The following ACSF2 variants were observed in gnomAD, a reference collection of about 807,000 sequenced individuals.
ACSF2 encodes the protein acyl-CoA synthetase family member 2, also known as medium-chain acyl-CoA ligase ACSF2, mitochondrial.
Under a neutral mutation model 79.3 loss-of-function variants are expected in ACSF2, and 52 were observed. The observed-to-expected ratio is 0.66, with a 90% CI of 0.53 to 0.83. The LOEUF is 0.83. Among genes scored for constraint, ACSF2 ranks in the 40% least tolerant of loss-of-function variants. The pLI is 0.00. For synonymous variants in ACSF2, 283 were observed against 312.6 expected (o/e 0.91, Z 1.00); for missense variants, 661 against 803.3 (o/e 0.82, Z 2.14).
rs1292555547 is a variant in ACSF2 at position 50,449,404 on chromosome 17, T to C, written c.129-11273T>C. Among the ~76,000 whole-genome samples, 6 of 150,042 alleles carry C rather than the reference T, an allele frequency of 4.0e-5. No individual in the cohort carries two copies. The East Asian group carries it at 9.9e-4, about 25-fold the overall frequency. On this transcript the variant is annotated intron_variant, in intron 1 of 15. Coordinates refer to ENST00000300441, the MANE Select transcript of ACSF2 (RefSeq NM_025149.6). ...TTGTAATATGTATCAGTACTTCATTTCCTTTTTTTTTTTTCTTTGAGACTG... is the reference window on the plus strand; with the variant it reads ...TTGTAATATGTATCAGTACTTCATTCCCTTTTTTTTTTTTCTTTGAGACTG...
intron 10 of ACSF2, 157 bp downstream of exon 10, chr17:50,464,451 C>T (rs771153191): frequency 2.7e-6 from 2 of 751,270 alleles, no homozygotes; most frequent in Non-Finnish European, 4.7e-6. Flanking sequence ...AGTCTGACCT[C>T]ATCAGCACCT....
chr17:50,459,352 C>T (rs982478250), intron 1 of ACSF2, among the ~76,000 whole-genome samples: 2 of 152,202 alleles, frequency 1.3e-5, no homozygotes, highest in Non-Finnish European at 2.9e-5. Context: ...GTGATCCTCC[C>T]CCTTCAACCT....
At chr17:50,432,903 G>T (rs2143491798) in intron 1 of ACSF2, among the ~76,000 whole-genome samples, 1 of 152,246 alleles carries the variant, frequency 6.6e-6, no homozygotes, top group East Asian at 1.9e-4. Context: ...TGGAGTTTGA[G>T]CCTGATCCCT....
intron 10 of ACSF2, chr17:50,465,857 G>A (rs753937932): frequency 6.2e-7 from 1 of 1,613,886 alleles, no homozygotes; most frequent in Admixed American, 1.7e-5. Flanking sequence ...ACCCAGGAAG[G>A]CACCATCTGA....
intron 1 of ACSF2, among the ~76,000 whole-genome samples, chr17:50,455,480 C>G (rs1423129960): frequency 6.6e-6 from 1 of 152,122 alleles, no homozygotes; most frequent in Non-Finnish European, 1.5e-5. Flanking sequence ...AACATCATCA[C>G]CCTAGGCAAC....
intron 10 of ACSF2, among the ~76,000 whole-genome samples, chr17:50,467,172 G>T (rs908476347): frequency 1.3e-5 from 2 of 152,220 alleles, no homozygotes; most frequent in African/African-American, 4.8e-5. Flanking sequence ...GCCCCACCTG[G>T]CCAGACACTG....
Position 50,473,965 on chromosome 17 carries a change from G to C in ACSF2, c.1689G>C (p.Glu563Asp). ...GCATTCGGCTGAAGGACGGGGAGGA[G>C]ACCACGGTGGAGGAGATAAAAGCTT... ...CACIRLKDGE[E>D]TTVEEIKAFC... Residue 563 changes from glutamate to aspartate, a missense_variant, in exon 14 of 16, where the codon GAG becomes GAC. Transcript: ENST00000300441. The C allele has an allele frequency of 1.3e-6, 2 of 1,536,564 alleles. No individual in the cohort carries two copies. Among genetic ancestry groups the C allele is most frequent in the Non-Finnish European group, 8.8e-7 (1 of 1,140,872 alleles).
At chr17:50,465,839 G>A (rs372173635) in intron 10 of ACSF2, 46 of 1,613,772 alleles carry the variant, frequency 2.9e-5, no homozygotes, top group South Asian at 1.3e-4. Flanking sequence ...GTGTTTCAGC[G>A]TGGTTACACC....
intron 1 of ACSF2, among the ~76,000 whole-genome samples, chr17:50,437,322 T>A (rs1039429810): frequency 1.3e-5 from 2 of 152,214 alleles, no homozygotes; most frequent in Non-Finnish European, 2.9e-5. Flanking sequence ...CATGTGAATT[T>A]CATGGACAAG....
chr17:50,463,615 C>T lies in ACSF2; in HGVS notation c.1046+63C>T. 6.3e-7 allele frequency: 1 copy of T among 1,583,492 alleles called. No individual in the cohort carries two copies. Among genetic ancestry groups the T allele is most frequent in the Non-Finnish European group, 8.6e-7 (1 of 1,162,768 alleles). On this transcript the variant is annotated intron_variant, in intron 8 of 15. Coordinates refer to ENST00000300441, the MANE Select transcript of ACSF2 (RefSeq NM_025149.6). This position sits in a 1 kb window ranked among gnomAD's most constrained non-coding sequence, Gnocchi z 4.6. ...AACCCTCTTCTTCCTCACTCCTGGG[C>T]CCTGACACCTTTCCAAGCTGCCTCC...
chr17:50,435,243 T>C (rs1344905348), intron 1 of ACSF2, among the ~76,000 whole-genome samples: 3 of 152,254 alleles, frequency 2.0e-5, no homozygotes, highest in East Asian at 3.9e-4. Context: ...TGACAAAAAC[T>C]CACAAAAGTG....
At chr17:50,450,984 G>A (rs1432306744) in intron 1 of ACSF2, among the ~76,000 whole-genome samples, 2 of 152,282 alleles carry the variant, frequency 1.3e-5, no homozygotes, top group South Asian at 2.1e-4. Context: ...CAGGCCTGTT[G>A]TGTAGTGGTG....
chr17:50,472,315 C>A, intron 11 of ACSF2, 113 bp from the exon 12 acceptor site: 1 of 1,324,058 alleles, frequency 7.6e-7, no homozygotes, highest in East Asian at 2.7e-5. Flanking sequence ...GGGCCTCATT[C>A]CAGGCAGTTG....
In ACSF2 at chr17:50,471,049, A is replaced by G. The variant is rs1047521409; in HGVS notation, c.1237A>G (p.Asn413Asp). 6.2e-7 allele frequency: 1 copy of G among 1,613,930 alleles called. No individual in the cohort carries two copies. Among genetic ancestry groups the G allele is most frequent in the Non-Finnish European group, 8.5e-7 (1 of 1,179,992 alleles). The change falls in exon 11 of 16, where the codon AAC becomes GAC. Residue 413 changes from asparagine (N) to aspartate (D), a missense_variant. Coordinates refer to ENST00000300441, the MANE Select transcript of ACSF2 (RefSeq NM_025149.6). The surrounding 1 kb of genome is among the most constrained non-coding windows in gnomAD (Gnocchi z 4.1). ...CTAGGTTGCTTATGGAACCACAGAG[A>G]ACAGTCCCGTGACATTCGCGCACTT... ...DLVVAYGTTE[N>D]SPVTFAHFPE...
At position 50,462,269 on chromosome 17, in the gene ACSF2, A is replaced by G; in HGVS notation, c.593A>G (p.Glu198Gly). 2 of 1,614,048 alleles carry G rather than the reference A, an allele frequency of 1.2e-6. No homozygotes were observed. ...NVLKQICPEV[E>G]NAQPGALKSQ... The stretch of plus-strand genomic sequence containing the variant: ...CTGAAGCAGATCTGTCCAGAAGTGG[A>G]GAATGCCCAGCCAGGGGCCTTGAAG... The change falls in exon 5 of 16, where the codon GAG (glutamate) becomes GGG (glycine). Residue 198 changes from glutamate to glycine, a missense_variant. Physicochemically the swap from Glu to Gly is moderately conservative, Grantham distance 98. Coordinates refer to ENST00000300441, the MANE Select transcript of ACSF2 (RefSeq NM_025149.6).
intron 10 of ACSF2, chr17:50,468,113 A>C (rs763131416): frequency 6.2e-7 from 1 of 1,614,008 alleles, no homozygotes; most frequent in South Asian, 1.1e-5. Flanking sequence ...ATTGTCCGGG[A>C]TGCTTTTCAG....
chr17:50,432,147 T>C (rs2029983401), intron 1 of ACSF2, among the ~76,000 whole-genome samples: 1 of 152,212 alleles, frequency 6.6e-6, no homozygotes. Context: ...GTTACCTGCC[T>C]GCCTCAGCCA....
intron 1 of ACSF2, among the ~76,000 whole-genome samples, chr17:50,452,549 G>T (rs2031743145): frequency 6.6e-6 from 1 of 152,118 alleles, no homozygotes; most frequent in Non-Finnish European, 1.5e-5. Flanking sequence ...GAGCATCAGG[G>T]TAAATAGCTA....
chr17:50,426,498 GA>G, intron 1 of ACSF2, 109 bp downstream of exon 1: 1 of 1,221,948 alleles, frequency 8.2e-7, no homozygotes, highest in Non-Finnish European at 1.0e-6. Flanking sequence ...GCACTGGGGG[GA>G]AGGTACCCGC....
Sources: gnomAD v4.1 joint callset for allele counts (sites outside exome capture counted in the v4.1 genomes callset) on GRCh38, gnomAD v4.1.1 for gene constraint, Gnocchi (gnomAD v3.1) non-coding constraint, MANE v1.5 for transcripts, NCBI Gene and HGNC (gene_info 2026-07-23, HGNC 2026-07-21) for gene names.